Variants in GSG1L observed in about 807,000 individuals in gnomAD.
The protein encoded by GSG1L is GSG1 like.
GSG1L carries 24 observed loss-of-function variants against 42.1 expected under a neutral mutation model. That is an observed-to-expected ratio of 0.57 (90% CI 0.41 to 0.80). The LOEUF (loss-of-function observed/expected upper bound fraction) is 0.80, where lower values mean the gene tolerates loss of function less well. Ranked by LOEUF, GSG1L falls within the 30% of genes least tolerant of loss-of-function variation. The probability of loss-of-function intolerance (pLI) is 0.00; values close to 1 mark genes in which losing one functional copy is unlikely to be tolerated. For synonymous variants in GSG1L, 215 were observed against 203.5 expected, an observed-to-expected ratio of 1.06 and a Z score of -0.48; for missense variants, 445 against 472.2, an observed-to-expected ratio of 0.94 and a Z score of 0.53.
chr16:28,043,420 TA>T (rs1244636444), intron 1 of GSG1L, among the ~76,000 whole-genome samples: 1 of 152,218 alleles, frequency 6.6e-6, no homozygotes, highest in Non-Finnish European at 1.5e-5. Context: ...ACGAACTTTC[TA>T]AACTATTTTG....
intron 3 of GSG1L, among the ~76,000 whole-genome samples, chr16:27,880,790 G>T (rs947956281): frequency 3.3e-5 from 5 of 152,136 alleles, no homozygotes; most frequent in African/African-American, 1.2e-4. Context: ...GAGTGAGCAG[G>T]TTGGGGGAAG....
At chr16:27,963,812 C>T (rs1343061195) in intron 1 of GSG1L, among the ~76,000 whole-genome samples, 1 of 152,154 alleles carries the variant, frequency 6.6e-6, no homozygotes, top group Non-Finnish European at 1.5e-5. Context: ...TGTTGTAACT[C>T]TCACAGCACC....
At chr16:27,834,015 C>T (rs1222352097) in intron 4 of GSG1L, among the ~76,000 whole-genome samples, 1 of 151,934 alleles carries the variant, frequency 6.6e-6, no homozygotes, top group Non-Finnish European at 1.5e-5. Context: ...TAATGGTGTT[C>T]TCAATCTTAG....
intron 1 of GSG1L, among the ~76,000 whole-genome samples, chr16:28,007,549 G>A (rs2085658257): frequency 2.6e-5 from 4 of 152,052 alleles, no homozygotes; most frequent in African/African-American, 9.7e-5. Flanking sequence ...ATCTTGCTCT[G>A]TCACCCAGGC....
In GSG1L at chr16:27,896,164, C is replaced by T. The variant is rs375388921; in HGVS notation, c.398-11526G>A. On this transcript the variant is annotated intron_variant, in intron 2 of 6. Transcript: ENST00000447459. The stretch of plus-strand genomic sequence containing the variant: ...TCCAATGGGTGGGGCATGCTGGAGG[C>T]GTGCGGGAAATGAGATGTTCAGCCT... 4.6e-5 allele frequency among the ~76,000 whole-genome samples: 7 copies of T among 152,208 alleles called. No individual in the cohort carries two copies. The East Asian group carries it at 9.6e-4, about 21-fold the overall frequency.
At chr16:27,871,753 G>A (rs772237348) in intron 3 of GSG1L, among the ~76,000 whole-genome samples, 4 of 152,216 alleles carry the variant, frequency 2.6e-5, no homozygotes, top group Admixed American at 6.5e-5. Flanking sequence ...ACTTGAAAGC[G>A]TGTGAAGTGA....
intron 5 of GSG1L, among the ~76,000 whole-genome samples, chr16:27,817,597 C>T (rs908720735): frequency 6.6e-6 from 1 of 152,008 alleles, no homozygotes; most frequent in East Asian, 1.9e-4. Flanking sequence ...CTCAAGTGAT[C>T]CTCCACCCAC....
intron 1 of GSG1L, among the ~76,000 whole-genome samples, chr16:27,976,916 A>G (rs1345480206): frequency 1.3e-5 from 2 of 152,124 alleles, no homozygotes; most frequent in Non-Finnish European, 2.9e-5. Flanking sequence ...AAATTTCCCA[A>G]GGGTTTTATT....
chr16:28,035,507 T>C (rs1358417730), intron 1 of GSG1L, among the ~76,000 whole-genome samples: 2 of 152,188 alleles, frequency 1.3e-5, no homozygotes, highest in Non-Finnish European at 2.9e-5. Flanking sequence ...AGCACACATG[T>C]ACCCCATCAC....
chr16:27,870,650 G>A (rs2083808315), intron 3 of GSG1L, among the ~76,000 whole-genome samples: 1 of 151,508 alleles, frequency 6.6e-6, no homozygotes, highest in African/African-American at 2.5e-5. Context: ...AGGAGGTCCT[G>A]CCTCAAACCT....
chr16:27,791,515 C>A, intron 6 of GSG1L, 48 bp from the exon 7 acceptor site: 2 of 1,307,836 alleles, frequency 1.5e-6, no homozygotes, highest in East Asian at 2.8e-5. Context: ...TTCCTCCACC[C>A]ACATCCTGTC....
In GSG1L at chr16:27,807,558, G is replaced by C. The variant is rs1181117807; in HGVS notation, c.831-4C>G. The C allele has an allele frequency of 1.2e-6, 2 of 1,606,042 alleles. No homozygotes were observed. The highest frequency in any genetic ancestry group is 1.3e-5 in the African/African-American group (1 of 74,222). ...GCTCCCGTCCCTCTTCTCCATCCTG[G>C]AAAGAAAAAAAAACAAAAACAAAAT... On this transcript the variant is annotated splice_polypyrimidine_tract_variant and splice_region_variant and intron_variant, in intron 5 of 6. Transcript: ENST00000447459.
intron 1 of GSG1L, among the ~76,000 whole-genome samples, chr16:27,966,994 C>T (rs1158626872): frequency 6.6e-6 from 1 of 152,158 alleles, no homozygotes; most frequent in Non-Finnish European, 1.5e-5. Flanking sequence ...CCCCCAGCTT[C>T]ACCTAAACCA....
At chr16:27,954,852 G>T (rs150136747) in intron 2 of GSG1L, among the ~76,000 whole-genome samples, 1 of 152,184 alleles carries the variant, frequency 6.6e-6, no homozygotes, top group Non-Finnish European at 1.5e-5. Flanking sequence ...AGAAACAGGG[G>T]TCTCACTATG....
intron 4 of GSG1L, among the ~76,000 whole-genome samples, chr16:27,832,650 C>G (rs1185803955): frequency 3.3e-5 from 5 of 152,180 alleles, no homozygotes; most frequent in Non-Finnish European, 5.9e-5. Flanking sequence ...TTTATTTTAG[C>G]TATTCTGATA....
At chr16:27,981,764 TG>T (rs2141126267) in intron 1 of GSG1L, among the ~76,000 whole-genome samples, 1 of 152,312 alleles carries the variant, frequency 6.6e-6, no homozygotes, top group South Asian at 2.1e-4. Context: ...CTTGGGCATT[TG>T]GGGCATTTTG....
intron 1 of GSG1L, among the ~76,000 whole-genome samples, chr16:27,990,909 T>TA (rs1455236264): frequency 6.6e-6 from 1 of 152,182 alleles, no homozygotes. Flanking sequence ...CCCTAAAACT[T>TA]AAAGTATAAT....
At chr16:27,956,866 G>A (rs756320585) in intron 2 of GSG1L, among the ~76,000 whole-genome samples, 13 of 152,204 alleles carry the variant, frequency 8.5e-5, no homozygotes, top group East Asian at 5.8e-4. Flanking sequence ...GTGATAGCTC[G>A]TTACATAACA....
chr16:27,875,522 C>T (rs867407715), intron 3 of GSG1L, among the ~76,000 whole-genome samples: 4 of 152,174 alleles, frequency 2.6e-5, no homozygotes, highest in African/African-American at 4.8e-5. Flanking sequence ...GGCACCGGAT[C>T]GTTCGGTTCC....
Sources: allele counts gnomAD v4.1 joint callset (sites outside exome capture counted in the v4.1 genomes callset), GRCh38; gene constraint gnomAD v4.1.1; transcripts MANE v1.5; gene names NCBI Gene and HGNC (gene_info 2026-07-23, HGNC 2026-07-21).